Variants in CKAP2L observed in about 807,000 individuals in gnomAD.
CKAP2L encodes cytoskeleton-associated protein 2-like.
Under a neutral mutation model 65.7 loss-of-function variants are expected in CKAP2L, and 42 were observed. The observed-to-expected ratio is 0.64, with a 90% CI of 0.50 to 0.83. The LOEUF is 0.83. Ranked by LOEUF, CKAP2L falls within the 40% of genes least tolerant of loss-of-function variation. The pLI, the probability that CKAP2L is intolerant of heterozygous loss-of-function variation, is 0.00. For missense variants in CKAP2L, 908 were observed against 871.0 expected, an observed-to-expected ratio of 1.04 and a Z score of -0.53; for synonymous variants, 325 against 313.5, an observed-to-expected ratio of 1.04 and a Z score of -0.39.
At chr2:112,747,919 C>G (rs1013840707) in intron 5 of CKAP2L, among the ~76,000 whole-genome samples, 2 of 152,108 alleles carry the variant, frequency 1.3e-5, no homozygotes, top group Middle Eastern at 3.2e-3. Context: ...TGAAAAATAA[C>G]CAACAGAAAG....
chr2:112,759,418 T>C (rs950412855), intron 3 of CKAP2L, among the ~76,000 whole-genome samples: 1 of 152,240 alleles, frequency 6.6e-6, no homozygotes, highest in Non-Finnish European at 1.5e-5. Context: ...ATTTACATCG[T>C]GCTTTTAGTT....
In CKAP2L at chr2:112,756,654, A is replaced by C; in HGVS notation, c.717T>G (p.Asp239Glu). 2 of 1,606,966 alleles carry C rather than the reference A, an allele frequency of 1.2e-6. No homozygotes were observed. The highest frequency in any genetic ancestry group is 1.7e-6 in the Non-Finnish European group (2 of 1,177,508). Residue 239 changes from aspartate (D) to glutamate (E), a missense_variant, in exon 4 of 9, where the codon GAT becomes GAG. By Grantham distance (45) the Asp-to-Glu change is conservative. Transcript: ENST00000302450. Reference protein sequence around the residue: ...KSSVNSAVLKDRVNKQFVGET... With the variant: ...KSSVNSAVLKERVNKQFVGET... ...CTCCAACAAATTGTTTATTAACCCT[A>C]TCTTTCAGAACAGCACTATTAACTG... is the stretch of plus-strand genomic sequence containing the variant.
Position 112,762,621 on chromosome 2 carries a change from C to T in CKAP2L, c.38-52G>A, listed in dbSNP as rs370380496. The T allele has an allele frequency of 2.8e-5, 40 of 1,419,478 alleles. 1 individual carries two copies. The highest frequency in any genetic ancestry group is 3.5e-5 in the Non-Finnish European group (35 of 1,003,004). The allele number at this position is 1,419,478 out of a possible 1,614,324, so 87.9% of individuals were successfully genotyped here. A position where few individuals can be genotyped will look rare whatever the true frequency, so the allele number is the denominator to read the frequency against. On this transcript the variant is annotated intron_variant, in intron 1 of 8. Transcript: ENST00000302450. ...ACATAACTTTAGTTCAAGATTTTAA[C>T]CAGTTCATTAATATTCTAAAAGATG...
At chr2:112,750,987 T>G (rs985651641) in intron 5 of CKAP2L, among the ~76,000 whole-genome samples, 6 of 152,054 alleles carry the variant, frequency 3.9e-5, no homozygotes, top group Non-Finnish European at 7.4e-5. Context: ...TTAAAAAGAT[T>G]GAGAAAAAAT....
chr2:112,755,240 T>C (rs1470326195), intron 4 of CKAP2L, among the ~76,000 whole-genome samples: 1 of 152,236 alleles, frequency 6.6e-6, no homozygotes, highest in Non-Finnish European at 1.5e-5. Context: ...CAAAATCCAC[T>C]GGCTCAGTTT....
At position 112,758,750 on chromosome 2, in the gene CKAP2L, C is replaced by A. The variant is rs1680620253; in HGVS notation, c.157-1536G>T. ...AAAACAAATTGATATAATCCACAAACCATAAAATTCACCATTTTAGTAAGT... is the reference window on the plus strand; with the variant it reads ...AAAACAAATTGATATAATCCACAAAACATAAAATTCACCATTTTAGTAAGT... On this transcript the variant is annotated intron_variant, in intron 3 of 8. Transcript: ENST00000302450. 2.6e-5 allele frequency among the ~76,000 whole-genome samples: 4 copies of A among 152,136 alleles called. 1 individual carries two copies. In the South Asian group the frequency reaches 8.3e-4, roughly 32 times the overall value.
Position 112,756,306 on chromosome 2 carries a change from C to G in CKAP2L, c.1065G>C (p.Gln355His). The G allele has an allele frequency of 1.2e-6, 2 of 1,613,936 alleles. No individual in the cohort carries two copies. Among genetic ancestry groups the G allele is most frequent in the South Asian group, 2.2e-5 (2 of 91,042 alleles). ...NNRHPNIKQD[Q>H]KSSQVCIPQT... The stretch of plus-strand genomic sequence containing the variant: ...GAGGTATACAAACTTGGCTGGACTT[C>G]TGATCTTGCTTGATGTTTGGATGTC... Residue 355 changes from glutamine (Q) to histidine (H), a missense_variant, in exon 4 of 9, where the codon CAG becomes CAC. Physicochemically the swap from Gln to His is conservative, Grantham distance 24 (BLOSUM62 0). Transcript: ENST00000302450.
At chr2:112,761,563 C>T (rs887707614) in intron 2 of CKAP2L, among the ~76,000 whole-genome samples, 11 of 137,348 alleles carry the variant, frequency 8.0e-5, no homozygotes, top group Non-Finnish European at 7.9e-5. Context: ...AAAAAAAAAA[C>T]CAAGACACAC....
chr2:112,749,333 T>C (rs942935286), intron 5 of CKAP2L, among the ~76,000 whole-genome samples: 3 of 152,144 alleles, frequency 2.0e-5, no homozygotes, highest in African/African-American at 7.2e-5. Flanking sequence ...CCTAACAACA[T>C]AACTTTAAAA....
Position 112,756,084 on chromosome 2 carries a change from G to T in CKAP2L, c.1287C>A (p.Asn429Lys). ...DSKLKKAVPQ[N>K]HFLNKTAPKT... ...TGGGAGCTGTCTTGTTCAGAAAATG[G>T]TTCTGGGGAACAGCCTTTTTCAACT... Residue 429 changes from asparagine (N) to lysine (K), a missense_variant, in exon 4 of 9, where the codon AAC becomes AAA. Physicochemically the swap from Asn to Lys is moderately conservative, Grantham distance 94. Transcript: ENST00000302450. 1 of 1,614,134 alleles carries T rather than the reference G, an allele frequency of 6.2e-7. No individual in the cohort carries two copies. Among genetic ancestry groups the T allele is most frequent in the South Asian group, 1.1e-5 (1 of 91,082 alleles).
chr2:112,746,818 TGCTCTGTCGTCCAG>T (rs1004047209), intron 5 of CKAP2L, among the ~76,000 whole-genome samples: 6 of 151,812 alleles, frequency 4.0e-5, no homozygotes, highest in African/African-American at 1.5e-4. Context: ...GATGGAGTCT[TGCTCTGTCGTCCAG>T]GCTGGAGTGC....
chr2:112,760,397 C>A (rs749677354), intron 3 of CKAP2L, among the ~76,000 whole-genome samples: 1 of 152,064 alleles, frequency 6.6e-6, no homozygotes, highest in Non-Finnish European at 1.5e-5. Context: ...TAATAGTAGC[C>A]TCATAAGATT....
chr2:112,747,299 A>G (rs1346551273), intron 5 of CKAP2L, among the ~76,000 whole-genome samples: 3 of 152,130 alleles, frequency 2.0e-5, no homozygotes, highest in Non-Finnish European at 2.9e-5. Context: ...CCAAATAGAA[A>G]ATGTTTATCA....
chr2:112,750,212 G>T (rs771360920), intron 5 of CKAP2L, among the ~76,000 whole-genome samples: 1 of 152,120 alleles, frequency 6.6e-6, no homozygotes, highest in Non-Finnish European at 1.5e-5. Flanking sequence ...GCTTCCTACA[G>T]TTATCACATT....
intron 5 of CKAP2L, among the ~76,000 whole-genome samples, chr2:112,750,045 T>G (rs1680319274): frequency 6.6e-6 from 1 of 152,164 alleles, no homozygotes; most frequent in Non-Finnish European, 1.5e-5. Context: ...CCTCAAAATC[T>G]GAGCCCCAGC....
chr2:112,759,248 G>T (rs924738928), intron 3 of CKAP2L, among the ~76,000 whole-genome samples: 1 of 145,590 alleles, frequency 6.9e-6, no homozygotes, highest in African/African-American at 2.6e-5. Flanking sequence ...TACTCTCAAA[G>T]TGTCCTGGTT....
chr2:112,760,648 TTATTA>T lies in CKAP2L; in HGVS notation c.156+60_156+64del. On this transcript the variant is annotated intron_variant, in intron 3 of 8. Transcript: ENST00000302450. The stretch of plus-strand genomic sequence containing the variant: ...CATGTTCTTTAGGTTGCTAACATCT[TTATTA>T]TTTTTATTACTAATCATACTTATGA... 4 of 803,040 alleles carry T rather than the reference TTATTA, an allele frequency of 5.0e-6. No individual in the cohort carries two copies. The Admixed American group carries it at 7.6e-5, about 15-fold the overall frequency. 49.7% of individuals were successfully genotyped at this position (803,040 alleles called of 1,614,324 possible). A position where few individuals can be genotyped will look rare whatever the true frequency, so the allele number is the denominator to read the frequency against.
Position 112,756,152 on chromosome 2 carries a change from T to C in CKAP2L, c.1219A>G (p.Asn407Asp). The C allele has an allele frequency of 1.9e-6, 3 of 1,614,168 alleles. No individual in the cohort carries two copies. Among genetic ancestry groups the C allele is most frequent in the Non-Finnish European group, 8.5e-7 (1 of 1,180,016 alleles). ...RPNGTSGNKH[N>D]NNGFQQKAQT... ...GCTTTTTGCTGAAAGCCATTATTGT[T>C]ATGTTTATTACCACTGGTTCCATTT... The change falls in exon 4 of 9, where the codon AAC becomes GAC. Residue 407 changes from asparagine (N) to aspartate (D), a missense_variant. Coordinates refer to ENST00000302450, the MANE Select transcript of CKAP2L (RefSeq NM_152515.5).
rs113946441 is a variant in CKAP2L at position 112,736,446 on chromosome 2, GATTAAC to G, written c.*2371_*2376del. Among the ~76,000 whole-genome samples, 4,970 of 152,270 alleles carry G rather than the reference GATTAAC, an allele frequency of 0.033. 265 individuals carry two copies. The highest frequency in any genetic ancestry group is 0.11 in the African/African-American group (4,725 of 41,512). On this transcript the variant is annotated 3_prime_UTR_variant, in exon 9 of 9. Coordinates refer to ENST00000302450, the MANE Select transcript of CKAP2L (RefSeq NM_152515.5). ...ATAAAATGGCTGCTATAGTGAAGCA[GATTAAC>G]ATTATCATCTCAGTTTTTTTGTGAT...
Sources: allele counts gnomAD v4.1 joint callset (sites outside exome capture counted in the v4.1 genomes callset), GRCh38; gene constraint gnomAD v4.1.1; transcripts MANE v1.5; gene names NCBI Gene and HGNC (gene_info 2026-07-23, HGNC 2026-07-21).